Variants in ZNF597 observed in about 807,000 individuals in gnomAD.
ZNF597 encodes the protein zinc finger protein 597.
In ZNF597, 5 loss-of-function variants were observed where a neutral mutation model predicts 7.3. The ratio of observed to expected loss-of-function variants is 0.68; its 90% confidence interval spans 0.36 to 1.44. The LOEUF is 1.44. Ranked by LOEUF, ZNF597 falls within the 40% of genes most tolerant of loss-of-function variation. ZNF597 has a pLI of 0.04. For synonymous variants in ZNF597, 209 were observed against 185.4 expected, an observed-to-expected ratio of 1.13 and a Z score of -1.04; for missense variants, 585 against 517.9, an observed-to-expected ratio of 1.13 and a Z score of -1.26.
At chr16:3,442,737 T>C (rs895086907) in intron 2 of ZNF597, among the ~76,000 whole-genome samples, 4 of 150,738 alleles carry the variant, frequency 2.7e-5, no homozygotes, top group East Asian at 2.0e-4. Context: ...GCCTCTCAGA[T>C]ACTCGAGAGG....
Position 3,434,487 on chromosome 16 carries a change from A to T in ZNF597, c.*1937T>A, listed in dbSNP as rs544744661. 50 of 152,352 alleles carry T rather than the reference A, an allele frequency of 3.3e-4. No individual in the cohort carries two copies. Among genetic ancestry groups the T allele is most frequent in the African/African-American group, 1.2e-3 (49 of 41,578 alleles). The allele number at this position is 152,352 out of a possible 1,614,324, so 9.4% of individuals were successfully genotyped here. A position where few individuals can be genotyped will look rare whatever the true frequency, so the allele number is the denominator to read the frequency against. ...TCCTAAGAGTGGAGACATCAGAAAC[A>T]AACAGCCAAAGTCTGACCTTGACAT... On this transcript the variant is annotated 3_prime_UTR_variant, in exon 4 of 4. Coordinates refer to ENST00000301744, the MANE Select transcript of ZNF597 (RefSeq NM_152457.3).
intron 2 of ZNF597, among the ~76,000 whole-genome samples, chr16:3,442,491 C>T (rs1485776829): frequency 2.0e-5 from 3 of 151,926 alleles, no homozygotes; most frequent in South Asian, 2.1e-4. Flanking sequence ...CTGGCTAACA[C>T]GGTGAAACCC....
Position 3,435,691 on chromosome 16 carries a change from G to A in ZNF597, c.*733C>T, listed in dbSNP as rs2034294014. 2 of 152,098 alleles carry A rather than the reference G, an allele frequency of 1.3e-5. No homozygotes were observed. The highest frequency in any genetic ancestry group is 4.1e-4 in the South Asian group (2 of 4,832). 9.4% of individuals were successfully genotyped at this position (152,098 alleles called of 1,614,324 possible). On this transcript the variant is annotated 3_prime_UTR_variant, in exon 4 of 4. Coordinates refer to ENST00000301744, the MANE Select transcript of ZNF597 (RefSeq NM_152457.3). Reference sequence around the variant, plus strand: ...GGTAATGTGCTTCAGTAGCAATTTGGAGGCAAATCTTAGAAAAGAGCAAGT... The same window carrying A: ...GGTAATGTGCTTCAGTAGCAATTTGAAGGCAAATCTTAGAAAAGAGCAAGT...
Position 3,434,135 on chromosome 16 carries a change from C to A in ZNF597, c.*2289G>T, listed in dbSNP as rs2034278859. On this transcript the variant is annotated 3_prime_UTR_variant, in exon 4 of 4. Coordinates refer to ENST00000301744, the MANE Select transcript of ZNF597 (RefSeq NM_152457.3). ...ATGACAGCATACATCTTTTATATCA[C>A]CCCCATTCTGTCCAAGTGCCTTCTA... 1 of 152,160 alleles carries A rather than the reference C, an allele frequency of 6.6e-6. No homozygotes were observed. Among genetic ancestry groups the A allele is most frequent in the East Asian group, 1.9e-4 (1 of 5,192 alleles). The allele number at this position is 152,160 out of a possible 1,614,324, so 9.4% of individuals were successfully genotyped here.
intron 2 of ZNF597, among the ~76,000 whole-genome samples, chr16:3,442,562 C>G (rs962465933): frequency 4.6e-5 from 7 of 151,930 alleles, no homozygotes; most frequent in African/African-American, 1.5e-4. Flanking sequence ...GTAGTCCCAT[C>G]TACTCGGGAG....
chr16:3,440,427 G>A (rs1042794590), intron 3 of ZNF597, among the ~76,000 whole-genome samples: 1 of 152,144 alleles, frequency 6.6e-6, no homozygotes, highest in Non-Finnish European at 1.5e-5. Context: ...AAGGTCAGGA[G>A]ATTGAGACCA....
intron 2 of ZNF597, among the ~76,000 whole-genome samples, chr16:3,442,567 C>T (rs1283133811): frequency 1.3e-5 from 2 of 151,456 alleles, no homozygotes; most frequent in Admixed American, 6.6e-5. Context: ...CCCATCTACT[C>T]GGGAGGCTGA....
In ZNF597 at chr16:3,436,608, G is replaced by A. The variant is rs1362332719; in HGVS notation, c.1091C>T (p.Thr364Ile). Residue 364 changes from threonine to isoleucine, a missense_variant, in exon 4 of 4, where the codon ACA becomes ATA. Transcript: ENST00000301744. Reference sequence around the variant, plus strand: ...TTTGCACTTATGGGGCCTTTCCTCTGTATGAATGTTCTGATGGGAAATAAG... The same window carrying A: ...TTTGCACTTATGGGGCCTTTCCTCTATATGAATGTTCTGATGGGAAATAAG... ...SELISHQNIH[T>I]EERPHKCKTC... 21 of 1,605,498 alleles carry A rather than the reference G, an allele frequency of 1.3e-5. No homozygotes were observed. Among genetic ancestry groups the A allele is most frequent in the Middle Eastern group, 3.3e-4 (2 of 6,072 alleles).
At chr16:3,441,011 C>A in intron 2 of ZNF597, 78 bp from the exon 3 acceptor site, 1 of 1,540,300 alleles carries the variant, frequency 6.5e-7, no homozygotes, top group Non-Finnish European at 8.7e-7. Context: ...ATGAAAAGAG[C>A]TAGAAACATC....
chr16:3,439,514 A>C (rs2034342469), intron 3 of ZNF597, among the ~76,000 whole-genome samples: 1 of 152,220 alleles, frequency 6.6e-6, no homozygotes, highest in African/African-American at 2.4e-5. Context: ...CCTCCAGCCA[A>C]AGTGGAAAGA....
intron 3 of ZNF597, among the ~76,000 whole-genome samples, chr16:3,438,632 C>CATAA (rs1312552813): frequency 1.3e-5 from 2 of 151,568 alleles, no homozygotes; most frequent in Non-Finnish European, 2.9e-5. Flanking sequence ...ATTTTTCTTC[C>CATAA]ATAACAAAGA....
At position 3,437,024 on chromosome 16, in the gene ZNF597, A is replaced by G; in HGVS notation, c.675T>C (p.Ser225=). Residue 225 remains serine, a synonymous_variant, in exon 4 of 4, where the codon TCT becomes TCC. Coordinates refer to ENST00000301744, the MANE Select transcript of ZNF597 (RefSeq NM_152457.3). The part of the protein sequence containing the change: ...AKCSASFRQH[S]HLSRHMNSHV... Reference sequence around the variant, plus strand: ...GGCTATTCATGTGTCGGGATAGATGAGAGTGCTGGCGAAAGCTGGCACTGC... The same window carrying G: ...GGCTATTCATGTGTCGGGATAGATGGGAGTGCTGGCGAAAGCTGGCACTGC... 2 of 1,614,202 alleles carry G rather than the reference A, an allele frequency of 1.2e-6. No individual in the cohort carries two copies. Among genetic ancestry groups the G allele is most frequent in the South Asian group, 2.2e-5 (2 of 91,084 alleles).
rs2034288996 is a variant in ZNF597, at chr16:3,435,291, C to A, written c.*1133G>T. ...TGTTAGTCAGGCTTTGGGTACAGCACAAAGGGAATGAAGGGGTTCCAGGAT... is the reference window on the plus strand; with the variant it reads ...TGTTAGTCAGGCTTTGGGTACAGCAAAAAGGGAATGAAGGGGTTCCAGGAT... On this transcript the variant is annotated 3_prime_UTR_variant, in exon 4 of 4. Coordinates refer to ENST00000301744, the MANE Select transcript of ZNF597 (RefSeq NM_152457.3). 1 of 152,172 alleles carries A rather than the reference C, an allele frequency of 6.6e-6. No homozygotes were observed. The highest frequency in any genetic ancestry group is 2.4e-5 in the African/African-American group (1 of 41,424). 9.4% of individuals were successfully genotyped at this position (152,172 alleles called of 1,614,324 possible). A position where few individuals can be genotyped will look rare whatever the true frequency, so the allele number is the denominator to read the frequency against.
chr16:3,441,072 A>G, intron 2 of ZNF597, 139 bp from the exon 3 acceptor site: 1 of 1,115,916 alleles, frequency 9.0e-7, no homozygotes. Flanking sequence ...GCGCAGAAGT[A>G]GGGCAAATGG....
At chr16:3,438,461 G>A (rs1216935752) in intron 3 of ZNF597, among the ~76,000 whole-genome samples, 1 of 151,878 alleles carries the variant, frequency 6.6e-6, no homozygotes, top group Non-Finnish European at 1.5e-5. Context: ...TACTCGGGAG[G>A]CTGAGGCAGG....
At position 3,435,309 on chromosome 16, in the gene ZNF597, TC is replaced by T. The variant is rs1432776963; in HGVS notation, c.*1114del. On this transcript the variant is annotated 3_prime_UTR_variant, in exon 4 of 4. Coordinates refer to ENST00000301744, the MANE Select transcript of ZNF597 (RefSeq NM_152457.3). The stretch of plus-strand genomic sequence containing the variant: ...TACAGCACAAAGGGAATGAAGGGGT[TC>T]CAGGATGCAAGCACACAGAATCGCC... 1 of 152,194 alleles carries T rather than the reference TC, an allele frequency of 6.6e-6. No individual in the cohort carries two copies. Among genetic ancestry groups the T allele is most frequent in the African/African-American group, 2.4e-5 (1 of 41,440 alleles). The allele number at this position is 152,194 out of a possible 1,614,324, so 9.4% of individuals were successfully genotyped here. A position where few individuals can be genotyped will look rare whatever the true frequency, so the allele number is the denominator to read the frequency against.
At position 3,437,076 on chromosome 16, in the gene ZNF597, C is replaced by A; in HGVS notation, c.623G>T (p.Gly208Val). Residue 208 changes from glycine (G) to valine (V), a missense_variant, in exon 4 of 4, where the codon GGT becomes GTT. Physicochemically the swap from Gly to Val is moderately radical, Grantham distance 109 (BLOSUM62 -3). Coordinates refer to ENST00000301744, the MANE Select transcript of ZNF597 (RefSeq NM_152457.3). ...NLRTHRRIHT[G>V]EKPYKCAKCS... The stretch of plus-strand genomic sequence containing the variant: ...CTTGGCACACTTATAAGGTTTCTCA[C>A]CAGTATGGATTCTCCTGTGTGTCCT... The A allele has an allele frequency of 6.2e-7, 1 of 1,614,122 alleles. No individual in the cohort carries two copies. Among genetic ancestry groups the A allele is most frequent in the Non-Finnish European group, 8.5e-7 (1 of 1,180,036 alleles).
At position 3,437,165 on chromosome 16, in the gene ZNF597, A is replaced by G. The variant is rs2034313461; in HGVS notation, c.534T>C (p.His178=). The part of the protein sequence containing the change: ...HSYLVLHQKI[H]SGEKKHKCGD... ...CACATTTATGTTTTTTCTCTCCTGA[A>G]TGAATTTTCTGATGCAAAACTAGGT... is the stretch of plus-strand genomic sequence containing the variant. The change falls in exon 4 of 4, where the codon CAT becomes CAC. Residue 178 remains histidine (H), a synonymous_variant. Coordinates refer to ENST00000301744, the MANE Select transcript of ZNF597 (RefSeq NM_152457.3). The G allele has an allele frequency of 6.2e-7, 1 of 1,614,180 alleles. No homozygotes were observed. Among genetic ancestry groups the G allele is most frequent in the Admixed American group, 1.7e-5 (1 of 60,014 alleles).
Position 3,440,826 on chromosome 16 carries a change from CAA to C in ZNF597, c.139_140del (p.Leu47GlyfsTer13). 6.2e-7 allele frequency: 1 copy of C among 1,613,984 alleles called. No individual in the cohort carries two copies. Among genetic ancestry groups the C allele is most frequent in the Non-Finnish European group, 8.5e-7 (1 of 1,179,934 alleles). ...SLSKDGTKESLEDAALMGEEG... is the reference protein window; with the variant it reads ...SLSKDGTKESXEDAALMGEEG... Reference sequence around the variant, plus strand: ...CCTTACCCATCAAAGCCGCATCCTCCAAAGACTCTTTTGTACCATCTTTGCTG... The same window carrying C: ...CCTTACCCATCAAAGCCGCATCCTCCAGACTCTTTTGTACCATCTTTGCTG... On this transcript the variant is annotated frameshift_variant, in exon 3 of 4. Transcript: ENST00000301744. LOFTEE classifies it low-confidence loss of function (END_TRUNC).
Sources: allele counts gnomAD v4.1 joint callset (sites outside exome capture counted in the v4.1 genomes callset), GRCh38; gene constraint gnomAD v4.1.1; transcripts MANE v1.5; gene names NCBI Gene and HGNC (gene_info 2026-07-23, HGNC 2026-07-21).